Variants in KPNB1 observed in about 807,000 individuals in gnomAD.
The protein encoded by KPNB1 is karyopherin subunit beta 1.
A neutral mutation model predicts 113.0 loss-of-function variants in KPNB1; 7 were observed. The observed-to-expected ratio is 0.06, with a 90% CI of 0.04 to 0.12. The LOEUF (loss-of-function observed/expected upper bound fraction) is 0.12. KPNB1 is among the 10% of genes least tolerant of loss of function. The pLI, the probability that KPNB1 is intolerant of heterozygous loss-of-function variation, is 1.00. For synonymous variants in KPNB1, 363 were observed against 378.6 expected, an observed-to-expected ratio of 0.96 and a Z score of 0.48; for missense variants, 400 against 1,054.8, an observed-to-expected ratio of 0.38 and a Z score of 8.60.
At chr17:47,678,625 T>G (rs2030682240) in intron 19 of KPNB1, 1 of 519,478 alleles carries the variant, frequency 1.9e-6, no homozygotes, top group Admixed American at 3.2e-5. Flanking sequence ...TTTTTTGTTT[T>G]GAGACGGAGT....
chr17:47,680,570 A>C lies in KPNB1; in HGVS notation c.2531A>C (p.His844Pro). The C allele has an allele frequency of 6.2e-7, 1 of 1,614,202 alleles. No homozygotes were observed. Among genetic ancestry groups the C allele is most frequent in the Non-Finnish European group, 8.5e-7 (1 of 1,180,006 alleles). The change falls in exon 21 of 22, where the codon CAT (histidine) becomes CCT (proline). Residue 844 changes from histidine to proline, a missense_variant. Physicochemically the swap from His to Pro is moderately conservative, Grantham distance 77. Around this residue, in one of 2 missense-constraint regions of KPNB1, gnomAD observed 115 missense variants for 427.9 expected, o/e 0.27. Coordinates refer to ENST00000290158, the MANE Select transcript of KPNB1 (RefSeq NM_002265.6). ...LKLVEARPMI[H>P]ELLTEGRRSK... ...TTAGTAGAAGCTAGGCCAATGATCCATGAATTGTTAACTGAAGGGCGGAGA... is the reference window on the plus strand; with the variant it reads ...TTAGTAGAAGCTAGGCCAATGATCCCTGAATTGTTAACTGAAGGGCGGAGA...
At chr17:47,653,271 A>ATTTTTTTTTT (rs3067142) in intron 3 of KPNB1, among the ~76,000 whole-genome samples, 4 of 109,866 alleles carry the variant, frequency 3.6e-5, no homozygotes, top group African/African-American at 1.1e-4. Context: ...AGCTCAGGGA[A>ATTTTTTTTTT]TTTTTTTTTT....
Position 47,674,640 on chromosome 17 carries a change from T to C in KPNB1, c.1770T>C (p.Asn590=), listed in dbSNP as rs148458554. 38 of 1,613,138 alleles carry C rather than the reference T, an allele frequency of 2.4e-5. No individual in the cohort carries two copies. In the African/African-American group the frequency reaches 3.9e-4, roughly 16 times the overall value. ...TTGAACTCTTACTCATTTCACAGAA[T>C]GTTCTTCGGAAAGTGCAACATCAAG... ...LQSLLCATLQ[N]VLRKVQHQDA... is the part of the protein sequence containing the mutation. The change falls in exon 15 of 22, where the codon AAT becomes AAC. Residue 590 remains asparagine, a splice_region_variant and synonymous_variant. Transcript: ENST00000290158.
intron 3 of KPNB1, among the ~76,000 whole-genome samples, chr17:47,654,365 A>G (rs1411154207): frequency 2.0e-5 from 3 of 151,762 alleles, no homozygotes; most frequent in Non-Finnish European, 1.5e-5. Flanking sequence ...TGGTGAGCCA[A>G]GATTGCGCAT....
rs970426195 is a variant in KPNB1 at position 47,650,376 on chromosome 17, C to T, written c.41-10C>T. On this transcript the variant is annotated splice_polypyrimidine_tract_variant and intron_variant, in intron 1 of 21. Transcript: ENST00000290158. ...TGACCCCGCTCCGTCTCCCACTTTCCTCCCCCTAGATCGGCTGGAGCTGGA... is the reference window on the plus strand; with the variant it reads ...TGACCCCGCTCCGTCTCCCACTTTCTTCCCCCTAGATCGGCTGGAGCTGGA... The T allele has an allele frequency of 3.7e-6, 6 of 1,611,844 alleles. No homozygotes were observed. Among genetic ancestry groups the T allele is most frequent in the African/African-American group, 1.3e-5 (1 of 74,814 alleles).
intron 15 of KPNB1, among the ~76,000 whole-genome samples, chr17:47,675,385 G>GTT (rs1462077639): frequency 1.2e-5 from 1 of 82,108 alleles, no homozygotes; most frequent in African/African-American, 5.7e-5. Context: ...TTTTTTTTTT[G>GTT]TTTGTTTTTT....
chr17:47,678,871 G>A (rs1284728535), intron 19 of KPNB1, among the ~76,000 whole-genome samples: 2 of 152,170 alleles, frequency 1.3e-5, no homozygotes, highest in African/African-American at 4.8e-5. Context: ...GTCTCCCAAA[G>A]TGCTGGGATT....
In KPNB1 at chr17:47,668,249, C is replaced by A; in HGVS notation, c.1063C>A (p.Leu355Met). 6.2e-7 allele frequency: 1 copy of A among 1,614,156 alleles called. No individual in the cohort carries two copies. The highest frequency in any genetic ancestry group is 8.5e-7 in the Non-Finnish European group (1 of 1,180,034). The change falls in exon 10 of 22, where the codon CTG (leucine) becomes ATG (methionine). Residue 355 changes from leucine to methionine, a missense_variant. By Grantham distance (15) the Leu-to-Met change is conservative. Coordinates refer to ENST00000290158, the MANE Select transcript of KPNB1 (RefSeq NM_002265.6). ...AGCAGCAGGGGTGTGCCTCATGCTT[C>A]TGGCCACCTGCTGTGAAGATGACAT... is the stretch of plus-strand genomic sequence containing the variant. ...CKAAGVCLML[L>M]ATCCEDDIVP...
At chr17:47,656,789 G>T in intron 3 of KPNB1, 71 bp from the exon 4 acceptor site, 1 of 1,436,082 alleles carries the variant, frequency 7.0e-7, no homozygotes, top group Non-Finnish European at 9.8e-7. Flanking sequence ...ACTAATATAA[G>T]TATGGTGGTG....
intron 2 of KPNB1, among the ~76,000 whole-genome samples, chr17:47,650,743 G>C (rs1407397562): frequency 6.6e-6 from 1 of 152,170 alleles, no homozygotes; most frequent in African/African-American, 2.4e-5. Flanking sequence ...GGGAGGGAAG[G>C]GAAGTTAGGT....
intron 2 of KPNB1, chr17:47,651,175 C>T (rs1444199923): frequency 9.2e-6 from 9 of 981,978 alleles, no homozygotes; most frequent in Non-Finnish European, 8.5e-6. Flanking sequence ...GGGGAAAGTT[C>T]CTCGTTTTTC....
In KPNB1 at chr17:47,649,929, GCGC is replaced by G; in HGVS notation, c.-311_-309del. Reference sequence around the variant, plus strand: ...CCTCCCTCCCTCGCTCCCTCCCTGCGCGCCGCCTCTCACTCACAGCCTCCCTTC... The same window carrying G: ...CCTCCCTCCCTCGCTCCCTCCCTGCGCGCCTCTCACTCACAGCCTCCCTTC... On this transcript the variant is annotated 5_prime_UTR_variant, in exon 1 of 22. Transcript: ENST00000290158. The G allele has an allele frequency of 2.4e-6, 3 of 1,266,872 alleles. No individual in the cohort carries two copies. The highest frequency in any genetic ancestry group is 3.0e-6 in the Non-Finnish European group (3 of 1,006,254). The allele number at this position is 1,266,872 out of a possible 1,614,324, so 78.5% of individuals were successfully genotyped here. A position where few individuals can be genotyped will look rare whatever the true frequency, so the allele number is the denominator to read the frequency against.
At chr17:47,675,387 T>TTTTTTTTTTTTTTTTTTTTC (rs1790136117) in intron 15 of KPNB1, among the ~76,000 whole-genome samples, 1 of 106,468 alleles carries the variant, frequency 9.4e-6, no homozygotes, top group African/African-American at 4.4e-5. Flanking sequence ...TTTTTTTTGT[T>TTTTTTTTTTTTTTTTTTTTC]TGTTTTTTTT....
Position 47,657,076 on chromosome 17 carries a change from A to T in KPNB1, c.483+16A>T, listed in dbSNP as rs1275484969. 1.2e-6 allele frequency: 2 copies of T among 1,606,608 alleles called. No individual in the cohort carries two copies. The highest frequency in any genetic ancestry group is 1.7e-6 in the Non-Finnish European group (2 of 1,174,634). On this transcript the variant is annotated intron_variant, in intron 4 of 21. Transcript: ENST00000290158. ...CCAAGATATAGTAAGTGCTTGCCTAATGTATCTGGTTTATATACCTCTGAT... is the reference window on the plus strand; with the variant it reads ...CCAAGATATAGTAAGTGCTTGCCTATTGTATCTGGTTTATATACCTCTGAT...
intron 5 of KPNB1, 96 bp downstream of exon 5, chr17:47,658,756 G>C (rs1247133118): frequency 1.9e-6 from 2 of 1,045,940 alleles, no homozygotes; most frequent in African/African-American, 3.2e-5. Context: ...TTATGGTTTA[G>C]AAAGTACCAC....
At chr17:47,681,055 TTG>T (rs10602429) in intron 21 of KPNB1, among the ~76,000 whole-genome samples, 57,056 of 146,976 alleles carry the variant, frequency 0.39, 11,332 homozygotes, top group South Asian at 0.46. Flanking sequence ...AAATGTTTTT[TTG>T]TGTGTGTGTG....
intron 19 of KPNB1, chr17:47,679,741 G>T: frequency 3.9e-6 from 1 of 253,516 alleles, no homozygotes; most frequent in Non-Finnish European, 7.7e-6. Context: ...CTGTCGCCTA[G>T]GCTGGAGCGC....
chr17:47,682,530 C>G lies in KPNB1; in HGVS notation c.*126C>G. The G allele has an allele frequency of 2.7e-6, 2 of 729,308 alleles. No homozygotes were observed. Among genetic ancestry groups the G allele is most frequent in the Admixed American group, 3.9e-5 (2 of 51,898 alleles). 45.2% of individuals were successfully genotyped at this position (729,308 alleles called of 1,614,324 possible). A position where few individuals can be genotyped will look rare whatever the true frequency, so the allele number is the denominator to read the frequency against. ...GGAATGAGAGGATGAGTGAGTGAGG[C>G]TTGAAAACACACCACATTGAAAATC... On this transcript the variant is annotated 3_prime_UTR_variant, in exon 22 of 22. Coordinates refer to ENST00000290158, the MANE Select transcript of KPNB1 (RefSeq NM_002265.6).
At chr17:47,659,905 A>T (rs1172862670) in intron 5 of KPNB1, among the ~76,000 whole-genome samples, 1 of 151,462 alleles carries the variant, frequency 6.6e-6, no homozygotes, top group Admixed American at 6.6e-5. Flanking sequence ...CTCCAAAAAA[A>T]AAAAATATAT....
Sources: gnomAD v4.1 joint callset for allele counts (sites outside exome capture counted in the v4.1 genomes callset) on GRCh38, gnomAD v4.1.1 for gene constraint, gnomAD v4.1.1 regional missense constraint, MANE v1.5 for transcripts, NCBI Gene and HGNC (gene_info 2026-07-23, HGNC 2026-07-21) for gene names.